The following CORO2B variants were observed in gnomAD, a reference collection of about 807,000 sequenced individuals.
CORO2B encodes coronin 2B.
In CORO2B, 26 loss-of-function variants were observed where a neutral mutation model predicts 58.8. That is an observed-to-expected ratio of 0.44 (90% confidence interval 0.32 to 0.61). The LOEUF (loss-of-function observed/expected upper bound fraction) is 0.61, where lower values mean the gene tolerates loss of function less well. CORO2B is among the 20% of genes least tolerant of loss of function. The pLI, the probability that CORO2B is intolerant of heterozygous loss-of-function variation, is 0.04. For missense variants in CORO2B, 460 were observed against 645.1 expected (o/e 0.71, Z 3.11); for synonymous variants, 242 against 253.8 (o/e 0.95, Z 0.44).
chr15:68,652,793 C>T (rs1392828559), intron 2 of CORO2B, among the ~76,000 whole-genome samples: 1 of 152,206 alleles, frequency 6.6e-6, no homozygotes, highest in Non-Finnish European at 1.5e-5. Flanking sequence ...CAAGTAACTC[C>T]TTTAAGACTG....
chr15:68,722,708 G>A (rs955384531), intron 11 of CORO2B, among the ~76,000 whole-genome samples: 9 of 152,328 alleles, frequency 5.9e-5, no homozygotes, highest in African/African-American at 2.2e-4. Flanking sequence ...AGATGTAACT[G>A]GGACTGGTGG....
the CORO2B span, among the ~76,000 whole-genome samples, chr15:68,543,000 C>T: frequency 2.0e-5 from 3 of 152,170 alleles, no homozygotes; most frequent in Non-Finnish European, 2.9e-5. Context: ...CCAGGCTCCT[C>T]GGGATGCCTT....
chr15:68,557,455 T>C, the CORO2B span, among the ~76,000 whole-genome samples: 4 of 151,780 alleles, frequency 2.6e-5, no homozygotes, highest in Non-Finnish European at 5.9e-5. Flanking sequence ...CATAACAAGG[T>C]CAAGGTTCAG....
intron 10 of CORO2B, 55 bp downstream of exon 10, chr15:68,719,289 C>T (rs568112963): frequency 1.3e-5 from 20 of 1,597,314 alleles, no homozygotes; most frequent in African/African-American, 9.4e-5. Flanking sequence ...TTGCCTTCAG[C>T]GCAGCTCACC....
chr15:68,705,131 A>G (rs1266660731), intron 3 of CORO2B, among the ~76,000 whole-genome samples: 1 of 152,192 alleles, frequency 6.6e-6, no homozygotes, highest in Admixed American at 6.5e-5. Context: ...TTCTCCCAGT[A>G]ATGTATTCAA....
intron 1 of CORO2B, among the ~76,000 whole-genome samples, chr15:68,604,088 T>C (rs1595962539): frequency 6.6e-6 from 1 of 152,138 alleles, no homozygotes; most frequent in African/African-American, 2.4e-5. Flanking sequence ...GTGTATTTCA[T>C]ACACAGAAAG....
chr15:68,683,875 T>C (rs57995280), intron 2 of CORO2B, among the ~76,000 whole-genome samples: 2,812 of 152,200 alleles, frequency 0.018, 88 homozygotes, highest in African/African-American at 0.065. Flanking sequence ...TGTATAACCA[T>C]GGGCATGGCA....
the CORO2B span, among the ~76,000 whole-genome samples, chr15:68,519,899 C>A: frequency 6.6e-6 from 1 of 152,158 alleles, no homozygotes; most frequent in Non-Finnish European, 1.5e-5. Context: ...TTCACTTTTT[C>A]TAATATAAGT....
intron 1 of CORO2B, among the ~76,000 whole-genome samples, chr15:68,625,204 G>A (rs767482685): frequency 1.6e-4 from 24 of 152,158 alleles, no homozygotes; most frequent in Non-Finnish European, 2.8e-4. Flanking sequence ...TAAACTTGAA[G>A]CTTTTCCACA....
chr15:68,655,429 A>G (rs533271221), intron 2 of CORO2B, among the ~76,000 whole-genome samples: 1 of 152,140 alleles, frequency 6.6e-6, no homozygotes, highest in East Asian at 1.9e-4. Flanking sequence ...TCTTACATTG[A>G]CACAATGCCA....
intron 8 of CORO2B, among the ~76,000 whole-genome samples, chr15:68,716,007 C>A (rs1485700534): frequency 6.6e-6 from 1 of 152,212 alleles, no homozygotes; most frequent in Non-Finnish European, 1.5e-5. Context: ...GAGCTTGAGT[C>A]TAGCTTGCTT....
intron 3 of CORO2B, among the ~76,000 whole-genome samples, chr15:68,705,543 C>G (rs1403032655): frequency 6.6e-6 from 1 of 152,156 alleles, no homozygotes; most frequent in Non-Finnish European, 1.5e-5. Context: ...CTCTCTCCCT[C>G]TCTGTGGGAT....
chr15:68,592,527 A>T (rs950654646), intron 1 of CORO2B, among the ~76,000 whole-genome samples: 1 of 152,208 alleles, frequency 6.6e-6, no homozygotes, highest in Admixed American at 6.5e-5. Flanking sequence ...GTCAAGGCAA[A>T]CACTTAAGAT....
At chr15:68,709,615 C>T (rs980016321) in intron 3 of CORO2B, among the ~76,000 whole-genome samples, 6 of 151,976 alleles carry the variant, frequency 3.9e-5, no homozygotes, top group Admixed American at 3.9e-4. Context: ...CGCCACTACA[C>T]CCGGCTAATT....
In CORO2B at chr15:68,721,422, C is replaced by T. The variant is rs935365977; in HGVS notation, c.1311+1870C>T. ...TAGAGGCGAAGTAAGAATGGTCATA[C>T]GGGCTGGGCGCCGTAGCTCATGCCT... On this transcript the variant is annotated intron_variant, in intron 11 of 11. Transcript: ENST00000261861. Among the ~76,000 whole-genome samples the T allele has an allele frequency of 5.9e-5, 9 of 152,010 alleles. No individual in the cohort carries two copies. The South Asian group carries it at 8.3e-4, about 14-fold the overall frequency.
At chr15:68,714,499 T>G (rs969475777) in intron 6 of CORO2B, 60 bp from the exon 7 acceptor site, 12 of 1,333,970 alleles carry the variant, frequency 9.0e-6, no homozygotes, top group Non-Finnish European at 1.3e-5. Flanking sequence ...CTTCCTGGGA[T>G]TTGGGGAGGG....
At position 68,623,408 on chromosome 15, in the gene CORO2B, G is replaced by C. The variant is rs533479254; in HGVS notation, c.16-21752G>C. ...AAGGTCATGTGGGAGCCCTGGCAGTGTCCATGCATGTGGAAGCCTGACGTG... is the reference window on the plus strand; with the variant it reads ...AAGGTCATGTGGGAGCCCTGGCAGTCTCCATGCATGTGGAAGCCTGACGTG... On this transcript the variant is annotated intron_variant, in intron 1 of 11. Transcript: ENST00000261861. 3.3e-5 allele frequency among the ~76,000 whole-genome samples: 5 copies of C among 152,296 alleles called. No homozygotes were observed. In the South Asian group the frequency reaches 1.0e-3, roughly 32 times the overall value.
At chr15:68,588,007 C>A (rs1486078501) in intron 1 of CORO2B, among the ~76,000 whole-genome samples, 3 of 152,190 alleles carry the variant, frequency 2.0e-5, no homozygotes, top group Non-Finnish European at 4.4e-5. Flanking sequence ...TGTCTCTGAG[C>A]GTCTGTGAAA....
At chr15:68,591,710 C>T (rs551479996) in intron 1 of CORO2B, among the ~76,000 whole-genome samples, 2 of 152,270 alleles carry the variant, frequency 1.3e-5, no homozygotes, top group East Asian at 3.9e-4. Context: ...TATGCCCCAC[C>T]CCATACCCTA....
Sources: gnomAD v4.1 joint callset for allele counts (sites outside exome capture counted in the v4.1 genomes callset) on GRCh38, gnomAD v4.1.1 for gene constraint, MANE v1.5 for transcripts, NCBI Gene and HGNC (gene_info 2026-07-23, HGNC 2026-07-21) for gene names.